VPS13A: variants seen among roughly 807,000 people sequenced by gnomAD.
The protein encoded by VPS13A is intermembrane lipid transfer protein VPS13A.
A neutral mutation model predicts 390.9 loss-of-function variants in VPS13A; 264 were observed. The ratio of observed to expected loss-of-function variants is 0.68; its 90% CI spans 0.61 to 0.75. The LOEUF (loss-of-function observed/expected upper bound fraction) is 0.75, where lower values mean the gene tolerates loss of function less well. Among genes scored for constraint, VPS13A ranks in the 30% least tolerant of loss-of-function variants. VPS13A has a pLI of 0.00. For missense variants in VPS13A, 3,409 were observed against 3,733.9 expected (o/e 0.91, Z 2.27); for synonymous variants, 1,231 against 1,227.1 (o/e 1.00, Z -0.07).
chr9:77,228,096 A>G (rs1280383885), intron 16 of VPS13A, 26 bp from the exon 17 acceptor site: 2 of 1,510,238 alleles, frequency 1.3e-6, no homozygotes, highest in East Asian at 2.4e-5. Context: ...ATATGTTTTC[A>G]TTTTATTCTT....
At chr9:77,224,900 G>A (rs1823421114) in intron 13 of VPS13A, among the ~76,000 whole-genome samples, 1 of 152,140 alleles carries the variant, frequency 6.6e-6, no homozygotes, top group Non-Finnish European at 1.5e-5. Flanking sequence ...GATTGCAATA[G>A]CCACCCCAAC....
intron 71 of VPS13A, among the ~76,000 whole-genome samples, chr9:77,415,442 A>T (rs1199791688): frequency 3.3e-5 from 5 of 152,244 alleles, no homozygotes; most frequent in Non-Finnish European, 7.3e-5. Flanking sequence ...TCCATGCCCA[A>T]TAATAATAGA....
chr9:77,182,442 G>T (rs1824079548), intron 1 of VPS13A, among the ~76,000 whole-genome samples: 1 of 151,764 alleles, frequency 6.6e-6, no homozygotes, highest in Admixed American at 6.6e-5. Context: ...ATCAGCCATA[G>T]GTGCTTATTA....
intron 1 of VPS13A, among the ~76,000 whole-genome samples, chr9:77,183,630 C>T (rs1382287639): frequency 6.6e-6 from 1 of 152,152 alleles, no homozygotes; most frequent in Non-Finnish European, 1.5e-5. Context: ...AATATGTCTC[C>T]TGGGGATGTA....
chr9:77,268,460 C>T (rs1010029293), intron 23 of VPS13A, among the ~76,000 whole-genome samples: 3 of 152,108 alleles, frequency 2.0e-5, no homozygotes, highest in Non-Finnish European at 4.4e-5. Context: ...TGCTTCAGCT[C>T]GCCCTCCGTT....
chr9:77,341,793 A>G (rs752219319), intron 50 of VPS13A, among the ~76,000 whole-genome samples: 1 of 146,570 alleles, frequency 6.8e-6, no homozygotes, highest in Non-Finnish European at 1.5e-5. Flanking sequence ...TTATTCCCAG[A>G]AATTTCACCT....
At position 77,317,668 on chromosome 9, in the gene VPS13A, C is replaced by A; in HGVS notation, c.4926C>A (p.Ile1642=). 3 of 1,597,458 alleles carry A rather than the reference C, an allele frequency of 1.9e-6. No individual in the cohort carries two copies. Among genetic ancestry groups the A allele is most frequent in the Non-Finnish European group, 2.6e-6 (3 of 1,171,214 alleles). ...TTQKGTDPQV[I]DMSVKSLTLK... The stretch of plus-strand genomic sequence containing the variant: ...AGAAAGGTACAGATCCACAAGTGAT[C>A]GATATGTCAGTAAAATCCCTGACAC... Residue 1642 remains isoleucine, a synonymous_variant, in exon 40 of 72, where the codon ATC becomes ATA. Transcript: ENST00000360280.
chr9:77,205,258 G>A, intron 3 of VPS13A, 55 bp from the exon 4 acceptor site: 1 of 944,186 alleles, frequency 1.1e-6, no homozygotes, highest in Non-Finnish European at 1.6e-6. Context: ...AACCATAAAT[G>A]CAGGTTGAAG....
At chr9:77,368,508 G>A (rs776373778) in intron 62 of VPS13A, among the ~76,000 whole-genome samples, 10 of 151,168 alleles carry the variant, frequency 6.6e-5, no homozygotes, top group Non-Finnish European at 1.3e-4. Flanking sequence ...TCAGCCAGAT[G>A]TATTTTTTTA....
At chr9:77,282,009 G>A in intron 28 of VPS13A, 83 bp downstream of exon 28, 1 of 1,367,396 alleles carries the variant, frequency 7.3e-7, no homozygotes, top group Non-Finnish European at 1.0e-6. Flanking sequence ...GATCCTTAAA[G>A]ATAAGAAAAT....
chr9:77,307,908 G>A (rs1202392734), intron 34 of VPS13A, 37 bp from the exon 35 acceptor site: 2 of 1,511,004 alleles, frequency 1.3e-6, no homozygotes, highest in African/African-American at 1.4e-5. Flanking sequence ...CAATGAAGTA[G>A]CAGTGCTAAA....
chr9:77,240,472 G>GTTTT (rs1564656566), intron 19 of VPS13A, among the ~76,000 whole-genome samples: 2 of 104,980 alleles, frequency 1.9e-5, no homozygotes, highest in African/African-American at 6.5e-5. Flanking sequence ...TTTTTGTTAT[G>GTTTT]TTTTTGTTTT....
rs536900594 is a variant in VPS13A at position 77,194,655 on chromosome 9, A to T, written c.101-5290A>T. ...AGGATTCTAGAGGTCCATGACAAGA[A>T]CAGGCTACTCCATGCCTGTTTAACT... On this transcript the variant is annotated intron_variant, in intron 1 of 71. Transcript: ENST00000360280. Among the ~76,000 whole-genome samples, 7 of 152,290 alleles carry T rather than the reference A, an allele frequency of 4.6e-5. No individual in the cohort carries two copies. In the East Asian group the frequency reaches 1.4e-3, roughly 29 times the overall value.
intron 1 of VPS13A, among the ~76,000 whole-genome samples, chr9:77,190,610 G>T (rs1459878915): frequency 6.6e-6 from 1 of 152,162 alleles, no homozygotes; most frequent in Non-Finnish European, 1.5e-5. Flanking sequence ...AGTTAGGGAG[G>T]AGTCCCTCCT....
chr9:77,327,548 T>G (rs183441259), intron 45 of VPS13A, among the ~76,000 whole-genome samples: 1 of 152,040 alleles, frequency 6.6e-6, no homozygotes, highest in Non-Finnish European at 1.5e-5. Context: ...TGGTAAGATA[T>G]AGAAAGATTA....
chr9:77,382,280 C>T (rs1261897597), intron 68 of VPS13A, 193 bp downstream of exon 68: 1 of 1,517,824 alleles, frequency 6.6e-7, no homozygotes, highest in Admixed American at 2.2e-5. Flanking sequence ...TTTTTACAGG[C>T]ATCAAAAAGT....
At chr9:77,224,910 C>T (rs78827838) in intron 13 of VPS13A, among the ~76,000 whole-genome samples, 3 of 152,166 alleles carry the variant, frequency 2.0e-5, no homozygotes, top group African/African-American at 7.2e-5. Flanking sequence ...GCCACCCCAA[C>T]CTTCAGCAAT....
At chr9:77,389,054 T>C (rs917672458) in intron 68 of VPS13A, among the ~76,000 whole-genome samples, 1 of 152,162 alleles carries the variant, frequency 6.6e-6, no homozygotes, top group Admixed American at 6.5e-5. Context: ...GTATGCTCAT[T>C]AGAGAAAAGC....
intron 1 of VPS13A, among the ~76,000 whole-genome samples, chr9:77,193,123 C>G (rs1465489627): frequency 6.6e-6 from 1 of 151,740 alleles, no homozygotes; most frequent in Non-Finnish European, 1.5e-5. Flanking sequence ...TCAGCTTAAT[C>G]TGTTCTGCTG....
Sources: gnomAD v4.1 joint callset for allele counts (sites outside exome capture counted in the v4.1 genomes callset) on GRCh38, gnomAD v4.1.1 for gene constraint, MANE v1.5 for transcripts, NCBI Gene and HGNC (gene_info 2026-07-23, HGNC 2026-07-21) for gene names.